FSTL4: variants seen among roughly 807,000 people sequenced by gnomAD.
The protein encoded by FSTL4 is follistatin like 4.
Under a neutral mutation model 78.2 loss-of-function variants are expected in FSTL4, and 28 were observed. The ratio of observed to expected loss-of-function variants is 0.36; its 90% CI spans 0.27 to 0.49. The LOEUF (loss-of-function observed/expected upper bound fraction) is 0.49, where lower values mean the gene tolerates loss of function less well. FSTL4 is among the 20% of genes least tolerant of loss of function. FSTL4 has a pLI of 0.98. For synonymous variants in FSTL4, 422 were observed against 440.5 expected (o/e 0.96, Z 0.53); for missense variants, 922 against 1,084.9 (o/e 0.85, Z 2.11).
chr5:133,237,327 C>T (rs949434689), intron 7 of FSTL4, among the ~76,000 whole-genome samples: 2 of 152,186 alleles, frequency 1.3e-5, no homozygotes, highest in Admixed American at 6.5e-5. Context: ...GGATTCCCAC[C>T]CGCTACTGAT....
chr5:133,721,752 G>C, the FSTL4 span, among the ~76,000 whole-genome samples: 1 of 152,074 alleles, frequency 6.6e-6, no homozygotes, highest in East Asian at 1.9e-4. Flanking sequence ...TTGTGTCTTG[G>C]AGAGGACCTC....
the FSTL4 span, among the ~76,000 whole-genome samples, chr5:133,812,381 T>G: frequency 0.13 from 20,445 of 152,138 alleles, 1,666 homozygotes; most frequent in African/African-American, 0.23. Context: ...TGGCTACAAG[T>G]TCCCCCATGA....
chr5:133,361,970 T>C lies in FSTL4; in HGVS notation c.409+38768A>G, dbSNP rs1755081205. On this transcript the variant is annotated intron_variant, in intron 4 of 15. Transcript: ENST00000265342. The surrounding 1 kb of genome is among the most constrained non-coding windows in gnomAD (Gnocchi z 4.3). ...CCTAGAACCTAACTCTAGTTATCCA[T>C]GAATACAAAGTATTTTGTGCATGGC... Among the ~76,000 whole-genome samples, 1 of 152,252 alleles carries C rather than the reference T, an allele frequency of 6.6e-6. No individual in the cohort carries two copies. Among genetic ancestry groups the C allele is most frequent in the African/African-American group, 2.4e-5 (1 of 41,466 alleles).
intron 4 of FSTL4, among the ~76,000 whole-genome samples, chr5:133,371,796 ACTGT>A (rs1755308657): frequency 6.6e-6 from 1 of 152,178 alleles, no homozygotes; most frequent in South Asian, 2.1e-4. Context: ...AGGTATGAAC[ACTGT>A]CTGTTAGAGC....
At chr5:133,834,214 G>A in the FSTL4 span, among the ~76,000 whole-genome samples, 1 of 152,158 alleles carries the variant, frequency 6.6e-6, no homozygotes, top group African/African-American at 2.4e-5. Context: ...GTGCTAATGG[G>A]GAAGTAAGCT....
At chr5:133,329,157 A>T (rs1489873271) in intron 4 of FSTL4, among the ~76,000 whole-genome samples, 3 of 152,338 alleles carry the variant, frequency 2.0e-5, no homozygotes, top group African/African-American at 7.2e-5. Context: ...CTCATCGCAC[A>T]TGCAAGGAGT....
the FSTL4 span, among the ~76,000 whole-genome samples, chr5:133,797,343 G>C: frequency 0.031 from 4,648 of 152,332 alleles, 92 homozygotes; most frequent in Non-Finnish European, 0.047. Context: ...CTAAAATTTG[G>C]AGTCAGCAGA....
At chr5:133,571,569 G>A (rs980777035) in intron 2 of FSTL4, among the ~76,000 whole-genome samples, 35 of 152,160 alleles carry the variant, frequency 2.3e-4, no homozygotes, top group African/African-American at 4.3e-4. Context: ...AACTAGAATC[G>A]AATAAAAGAC....
rs59400068 is a variant in FSTL4 at position 133,221,891 on chromosome 5, GTTTT to G, written c.1340-1029_1340-1026del. On this transcript the variant is annotated intron_variant, in intron 11 of 15. Coordinates refer to ENST00000265342, the MANE Select transcript of FSTL4 (RefSeq NM_015082.2). ...AATATGTAGAAAAATCTCTTTTCTAGTTTTTTTTTTTTTTTTTTTTTTTTTTTTT... is the reference window on the plus strand; with the variant it reads ...AATATGTAGAAAAATCTCTTTTCTAGTTTTTTTTTTTTTTTTTTTTTTTTT... 4.4e-4 allele frequency among the ~76,000 whole-genome samples: 19 copies of G among 43,360 alleles called. 1 individual carries two copies. The highest frequency in any genetic ancestry group is 0.013 in the Middle Eastern group (1 of 80). The allele number at this position is 43,360 out of a possible 152,430, so 28.4% of individuals were successfully genotyped here. A position where few individuals can be genotyped will look rare whatever the true frequency, so the allele number is the denominator to read the frequency against.
intron 4 of FSTL4, among the ~76,000 whole-genome samples, chr5:133,398,532 T>G (rs1756131577): frequency 6.6e-6 from 1 of 152,186 alleles, no homozygotes; most frequent in Non-Finnish European, 1.5e-5. Context: ...TCTGCGTTCT[T>G]CACAGTTTGT....
intron 4 of FSTL4, among the ~76,000 whole-genome samples, chr5:133,349,448 C>T (rs1237485190): frequency 1.3e-5 from 2 of 152,240 alleles, no homozygotes; most frequent in Non-Finnish European, 2.9e-5. Context: ...GCTAAGAGTG[C>T]AGCCAGCACA....
the FSTL4 span, among the ~76,000 whole-genome samples, chr5:133,809,889 C>T: frequency 6.6e-6 from 1 of 152,216 alleles, no homozygotes; most frequent in Non-Finnish European, 1.5e-5. Flanking sequence ...TGAGCACCTG[C>T]TATTTTCCAG....
intron 4 of FSTL4, among the ~76,000 whole-genome samples, chr5:133,398,055 T>C (rs2126968909): frequency 6.6e-6 from 1 of 152,202 alleles, no homozygotes; most frequent in East Asian, 1.9e-4. Context: ...GGACCCTCTG[T>C]CCCCACAGAG....
intron 3 of FSTL4, among the ~76,000 whole-genome samples, chr5:133,526,085 T>C (rs939267007): frequency 1.8e-4 from 28 of 152,306 alleles, no homozygotes; most frequent in African/African-American, 6.3e-4. Context: ...CTTTAACAGA[T>C]GAACAGCTTT....
the FSTL4 span, among the ~76,000 whole-genome samples, chr5:133,631,427 GCAAATCAAAAC>G: frequency 6.6e-6 from 1 of 152,190 alleles, no homozygotes; most frequent in Non-Finnish European, 1.5e-5. Context: ...TTAGAGAAAT[GCAAATCAAAAC>G]CACAATGAGA....
Position 133,361,061 on chromosome 5 carries a change from A to G in FSTL4, c.409+39677T>C, listed in dbSNP as rs1755058707. On this transcript the variant is annotated intron_variant, in intron 4 of 15. Transcript: ENST00000265342. This position sits in a 1 kb window ranked among gnomAD's most constrained non-coding sequence, Gnocchi z 4.3. ...AAACCTCGAAATTCTGCTCTGAGCA[A>G]GAAACCCATTTTAGAAATGAGTTAA... Among the ~76,000 whole-genome samples, 2 of 152,248 alleles carry G rather than the reference A, an allele frequency of 1.3e-5. No individual in the cohort carries two copies. Among genetic ancestry groups the G allele is most frequent in the African/African-American group, 4.8e-5 (2 of 41,460 alleles).
chr5:133,771,200 T>TCA, the FSTL4 span, among the ~76,000 whole-genome samples: 1 of 152,054 alleles, frequency 6.6e-6, no homozygotes, highest in African/African-American at 2.4e-5. Context: ...TTTTGATGAT[T>TCA]CAGGCTCTTT....
At chr5:133,574,402 T>C (rs1471812988) in intron 2 of FSTL4, among the ~76,000 whole-genome samples, 1 of 152,250 alleles carries the variant, frequency 6.6e-6, no homozygotes, top group Non-Finnish European at 1.5e-5. Flanking sequence ...AGTCCCAGTA[T>C]GGAGAGGCTC....
At chr5:133,591,421 G>A (rs553411868) in intron 2 of FSTL4, among the ~76,000 whole-genome samples, 14 of 152,242 alleles carry the variant, frequency 9.2e-5, no homozygotes, top group South Asian at 4.1e-4. Context: ...CTTGGCTCAC[G>A]TTTCTCTGTG....
Sources: allele counts gnomAD v4.1 joint callset (sites outside exome capture counted in the v4.1 genomes callset), GRCh38; gene constraint gnomAD v4.1.1; non-coding constraint Gnocchi (gnomAD v3.1); transcripts MANE v1.5; gene names NCBI Gene and HGNC (gene_info 2026-07-23, HGNC 2026-07-21).